FRMD7: variants seen among roughly 807,000 people sequenced by gnomAD.
FRMD7 encodes FERM domain-containing protein 7.
In FRMD7, 14 loss-of-function variants were observed where a neutral mutation model predicts 44.1. That is an observed-to-expected ratio of 0.32 (90% CI 0.21 to 0.50). FRMD7 has a LOEUF of 0.50. Among genes scored for constraint, FRMD7 ranks in the 20% least tolerant of loss-of-function variants. The pLI is 0.99. For missense variants in FRMD7, 501 were observed against 522.3 expected, an observed-to-expected ratio of 0.96 and a Z score of 0.40; for synonymous variants, 212 against 187.4, an observed-to-expected ratio of 1.13 and a Z score of -1.07.
intron 1 of FRMD7, among the ~76,000 whole-genome samples, chrX:132,102,837 A>G (rs933333353): frequency 1.8e-5 from 2 of 111,796 alleles, no homozygotes; most frequent in Non-Finnish European, 3.8e-5. Flanking sequence ...CTCCCTATCA[A>G]CACTGCCATG....
At chrX:132,085,145 C>T (rs912636646) in intron 7 of FRMD7, among the ~76,000 whole-genome samples, 5 of 111,807 alleles carry the variant, frequency 4.5e-5, no homozygotes, top group Non-Finnish European at 5.6e-5. Context: ...CCAGCTCTGA[C>T]AGACCCTTCT....
rs904427806 is a variant in FRMD7 at position 132,097,219 on chromosome X, T to A, written c.284+47A>T. 6.6e-6 allele frequency: 6 copies of A among 911,095 alleles called. No individual in the cohort carries two copies. The African/African-American group carries it at 9.7e-5, about 15-fold the overall frequency. 75.1% of individuals were successfully genotyped at this position (911,095 alleles called of 1,213,427 possible). A position where few individuals can be genotyped will look rare whatever the true frequency, so the allele number is the denominator to read the frequency against. On this transcript the variant is annotated intron_variant, in intron 4 of 11. Coordinates refer to ENST00000298542, the MANE Select transcript of FRMD7 (RefSeq NM_194277.3). Reference sequence around the variant, plus strand: ...CTTGCCCCCAATAAATGGAGAATAATGATTCTTAAGTAACATCATGCAGAG... The same window carrying A: ...CTTGCCCCCAATAAATGGAGAATAAAGATTCTTAAGTAACATCATGCAGAG...
At chrX:132,100,954 A>C (rs1164493935) in intron 1 of FRMD7, among the ~76,000 whole-genome samples, 1 of 111,898 alleles carries the variant, frequency 8.9e-6, no homozygotes, top group Non-Finnish European at 1.9e-5. Context: ...TGGAAAAAGA[A>C]ATACTTGCAC....
chrX:132,124,590 A>G (rs994893519), intron 1 of FRMD7, among the ~76,000 whole-genome samples: 1 of 112,260 alleles, frequency 8.9e-6, no homozygotes, highest in African/African-American at 3.2e-5. Context: ...GAATTTATCT[A>G]TAAAATCAAC....
At chrX:132,081,652 C>T (rs1000826587) in intron 9 of FRMD7, among the ~76,000 whole-genome samples, 21 of 112,737 alleles carry the variant, frequency 1.9e-4, no homozygotes, top group Non-Finnish European at 3.9e-4. Flanking sequence ...GGATATCACT[C>T]TTTGGAAAAA....
At chrX:132,094,371 C>G (rs1390525562) in intron 4 of FRMD7, 3 of 379,269 alleles carry the variant, frequency 7.9e-6, no homozygotes, top group Non-Finnish European at 1.4e-5. Context: ...TAGGAATCAC[C>G]CTGGCCAAAT....
intron 1 of FRMD7, 28 bp downstream of exon 1, chrX:132,127,760 G>A (rs748284852): frequency 1.8e-6 from 2 of 1,109,810 alleles, no homozygotes; most frequent in East Asian, 3.0e-5. Context: ...AATAATAAAG[G>A]AATAATAGCA....
At chrX:132,109,168 G>T (rs1198730708) in intron 1 of FRMD7, among the ~76,000 whole-genome samples, 1 of 111,545 alleles carries the variant, frequency 9.0e-6, no homozygotes, top group Non-Finnish European at 1.9e-5. Flanking sequence ...TCTCCAGGTG[G>T]CAAGTAAATG....
At chrX:132,080,845 G>C (rs1461431900) in intron 9 of FRMD7, among the ~76,000 whole-genome samples, 1 of 110,477 alleles carries the variant, frequency 9.1e-6, no homozygotes, top group Non-Finnish European at 1.9e-5. Context: ...CCCTTTAAAG[G>C]CTTTTCCTCT....
intron 1 of FRMD7, among the ~76,000 whole-genome samples, chrX:132,101,817 C>G (rs1195553360): frequency 5.4e-5 from 6 of 111,537 alleles, no homozygotes; most frequent in Admixed American, 3.8e-4. Flanking sequence ...GAAGAGCTCT[C>G]TGTGAAAAAT....
intron 1 of FRMD7, among the ~76,000 whole-genome samples, chrX:132,114,510 G>A (rs1285751167): frequency 2.7e-5 from 3 of 111,858 alleles, no homozygotes; most frequent in Non-Finnish European, 3.8e-5. Flanking sequence ...TTTGTTTACC[G>A]AATTTTCTCA....
At position 132,127,951 on chromosome X, in the gene FRMD7, A is replaced by G. The variant is rs1009661063; in HGVS notation, c.-107T>C. 127 of 645,613 alleles carry G rather than the reference A, an allele frequency of 2.0e-4. No homozygotes were observed. The highest frequency in any genetic ancestry group is 1.7e-4 in the Non-Finnish European group (67 of 384,921). 53.2% of individuals were successfully genotyped at this position (645,613 alleles called of 1,213,427 possible). ...GGTGCACTCGGGCCCCCCCACCCCC[A>G]GCCAGGCATTCCCACTGTCAGCGGG... On this transcript the variant is annotated 5_prime_UTR_variant, in exon 1 of 12. Coordinates refer to ENST00000298542, the MANE Select transcript of FRMD7 (RefSeq NM_194277.3).
rs776464042 is a variant in FRMD7, at chrX:132,078,255, T to C, written c.1762A>G (p.Lys588Glu). ...FVCNIQEQTPKRSQSQSDMKT... is the reference protein window; with the variant it reads ...FVCNIQEQTPERSQSQSDMKT... ...ATGTCTGATTGGCTCTGGGACCTTT[T>C]AGGGGTTTGCTCTTGAATGTTACAT... Residue 588 changes from lysine to glutamate, a missense_variant, in exon 12 of 12, where the codon AAA becomes GAA. By Grantham distance (56) the Lys-to-Glu change is moderately conservative. This residue lies in a region of FRMD7 where 453 missense variants were observed against 452.7 expected (regional missense o/e 1.00). Coordinates refer to ENST00000298542, the MANE Select transcript of FRMD7 (RefSeq NM_194277.3). The C allele has an allele frequency of 8.3e-7, 1 of 1,211,454 alleles. No individual in the cohort carries two copies. Among genetic ancestry groups the C allele is most frequent in the South Asian group, 1.8e-5 (1 of 56,996 alleles).
intron 3 of FRMD7, among the ~76,000 whole-genome samples, chrX:132,097,884 A>G (rs778993339): frequency 1.4e-4 from 16 of 112,943 alleles, no homozygotes; most frequent in Non-Finnish European, 2.4e-4. Flanking sequence ...ATAAATGCAC[A>G]CATGCAGCAT....
Position 132,104,913 on chromosome X carries a change from C to CA in FRMD7, c.58-4198dup, listed in dbSNP as rs1928606167. Among the ~76,000 whole-genome samples the CA allele has an allele frequency of 2.7e-5, 3 of 111,861 alleles. No individual in the cohort carries two copies. In the Middle Eastern group the frequency reaches 0.014, roughly 515 times the overall value. On this transcript the variant is annotated intron_variant, in intron 1 of 11. Coordinates refer to ENST00000298542, the MANE Select transcript of FRMD7 (RefSeq NM_194277.3). The stretch of plus-strand genomic sequence containing the variant: ...CCATTTAATTAAATGGTATGTATAT[C>CA]AAAAATTATTATGAGCACTAATGGC...
intron 1 of FRMD7, among the ~76,000 whole-genome samples, chrX:132,124,730 C>T (rs111823528): frequency 2.2e-4 from 25 of 111,644 alleles, no homozygotes; most frequent in Non-Finnish European, 3.0e-4. Flanking sequence ...GATCAGAAAG[C>T]GGAGTTGTCA....
chrX:132,096,214 G>A (rs1928329026), intron 4 of FRMD7, among the ~76,000 whole-genome samples: 2 of 111,666 alleles, frequency 1.8e-5, no homozygotes, highest in African/African-American at 3.3e-5. Context: ...TGTAAAAAGC[G>A]ACTTTTGCAA....
chrX:132,098,960 G>A (rs895893488), intron 3 of FRMD7, among the ~76,000 whole-genome samples: 9 of 112,079 alleles, frequency 8.0e-5, no homozygotes, highest in Non-Finnish European at 1.3e-4. Context: ...TAAGGCCCAG[G>A]AATCGGCATT....
Position 132,079,056 on chromosome X carries a change from G to A in FRMD7, c.1051-90C>T, listed in dbSNP as rs190407853. ...TCTAAATTAGCCTCAAAGTTTGAAA[G>A]GTAGTTTTTCATAAAGTCATTTAAC... On this transcript the variant is annotated intron_variant, in intron 11 of 11. Coordinates refer to ENST00000298542, the MANE Select transcript of FRMD7 (RefSeq NM_194277.3). The A allele has an allele frequency of 6.4e-6, 5 of 775,653 alleles. No homozygotes were observed. The East Asian group carries it at 1.6e-4, about 24-fold the overall frequency. 63.9% of individuals were successfully genotyped at this position (775,653 alleles called of 1,213,427 possible).
Sources: gnomAD v4.1 joint callset for allele counts (sites outside exome capture counted in the v4.1 genomes callset) on GRCh38, gnomAD v4.1.1 for gene constraint, gnomAD v4.1.1 regional missense constraint, MANE v1.5 for transcripts, NCBI Gene and HGNC (gene_info 2026-07-23, HGNC 2026-07-21) for gene names.